Variants in BAZ2B observed in about 807,000 individuals in gnomAD.
BAZ2B encodes the protein bromodomain adjacent to zinc finger domain protein 2B.
A neutral mutation model predicts 246.0 loss-of-function variants in BAZ2B; 91 were observed. The ratio of observed to expected loss-of-function variants is 0.37; its 90% CI spans 0.31 to 0.44. BAZ2B has a LOEUF of 0.44. Ranked by LOEUF, BAZ2B falls within the 20% of genes least tolerant of loss-of-function variation. The probability of loss-of-function intolerance (pLI) is 1.00; values close to 1 mark genes in which losing one functional copy is unlikely to be tolerated. For missense variants in BAZ2B, 2,332 were observed against 2,533.7 expected, an observed-to-expected ratio of 0.92 and a Z score of 1.71; for synonymous variants, 855 against 860.0, an observed-to-expected ratio of 0.99 and a Z score of 0.10.
intron 14 of BAZ2B, among the ~76,000 whole-genome samples, chr2:159,405,696 T>A (rs558594508): frequency 2.0e-5 from 3 of 148,170 alleles, no homozygotes; most frequent in African/African-American, 7.4e-5. Context: ...TCTTTTAATC[T>A]TTATCAGAGA....
the BAZ2B span, among the ~76,000 whole-genome samples, chr2:159,646,036 G>C: frequency 2.6e-5 from 4 of 152,044 alleles, no homozygotes; most frequent in South Asian, 6.2e-4. Flanking sequence ...GCAACCAACG[G>C]GTCTGACCAA....
intron 1 of BAZ2B, among the ~76,000 whole-genome samples, chr2:159,597,833 G>T (rs577016026): frequency 6.6e-6 from 1 of 152,240 alleles, no homozygotes; most frequent in East Asian, 1.9e-4. Flanking sequence ...AGGCAGCCAC[G>T]ACTCTATCTC....
rs1164967913 is a variant in BAZ2B at position 159,320,494 on chromosome 2, G to A, written c.6354-76C>T. On this transcript the variant is annotated intron_variant, in intron 36 of 36. Transcript: ENST00000392783. Reference sequence around the variant, plus strand: ...TGTAAACAAATGAAGAGTTAATAAAGGGTAAAAATGAAAGAAAAATGATTA... The same window carrying A: ...TGTAAACAAATGAAGAGTTAATAAAAGGTAAAAATGAAAGAAAAATGATTA... 6.3e-6 allele frequency: 8 copies of A among 1,262,212 alleles called. No individual in the cohort carries two copies. In the East Asian group the frequency reaches 2.2e-4, roughly 35 times the overall value. 78.2% of individuals were successfully genotyped at this position (1,262,212 alleles called of 1,614,324 possible).
At chr2:159,542,224 T>C (rs1204058587) in intron 2 of BAZ2B, among the ~76,000 whole-genome samples, 1 of 152,074 alleles carries the variant, frequency 6.6e-6, no homozygotes, top group Non-Finnish European at 1.5e-5. Flanking sequence ...ATTATGGATA[T>C]GCCAAAAGGA....
At chr2:159,433,595 T>C (rs1238944215) in intron 8 of BAZ2B, 6 of 383,622 alleles carry the variant, frequency 1.6e-5, no homozygotes, top group Non-Finnish European at 2.8e-5. Context: ...TATATGCCTT[T>C]TGACTAGCCT....
chr2:159,657,719 A>G, the BAZ2B span, among the ~76,000 whole-genome samples: 1 of 152,218 alleles, frequency 6.6e-6, no homozygotes, highest in Non-Finnish European at 1.5e-5. Flanking sequence ...GTTTGGTGGT[A>G]ATGTAAAAGG....
intron 1 of BAZ2B, among the ~76,000 whole-genome samples, chr2:159,594,004 T>C (rs1484042842): frequency 6.6e-6 from 1 of 152,256 alleles, no homozygotes; most frequent in Non-Finnish European, 1.5e-5. Context: ...TTCACAATAC[T>C]GTGCAACCTC....
intron 2 of BAZ2B, among the ~76,000 whole-genome samples, chr2:159,527,606 G>C (rs1203472292): frequency 6.6e-6 from 1 of 152,046 alleles, no homozygotes; most frequent in African/African-American, 2.4e-5. Flanking sequence ...ATCCAAACAG[G>C]TTCTGAGCTA....
chr2:159,595,607 T>C (rs756408230), intron 1 of BAZ2B, among the ~76,000 whole-genome samples: 1 of 152,246 alleles, frequency 6.6e-6, no homozygotes, highest in Non-Finnish European at 1.5e-5. Flanking sequence ...AAACAGAAAT[T>C]AGTCACTTCG....
At chr2:159,489,100 C>G (rs2080164476) in intron 2 of BAZ2B, among the ~76,000 whole-genome samples, 1 of 152,122 alleles carries the variant, frequency 6.6e-6, no homozygotes, top group East Asian at 1.9e-4. Flanking sequence ...AATGAAGAGA[C>G]AGCATACTAT....
At chr2:159,644,441 A>G in the BAZ2B span, among the ~76,000 whole-genome samples, 1 of 152,216 alleles carries the variant, frequency 6.6e-6, no homozygotes, top group Non-Finnish European at 1.5e-5. Flanking sequence ...CTGATCCTGC[A>G]TGCACCTGTG....
chr2:159,482,674 T>A lies in BAZ2B; in HGVS notation c.-2-3953A>T, dbSNP rs143743530. Among the ~76,000 whole-genome samples the A allele has an allele frequency of 6.8e-3, 1,036 of 152,306 alleles. 4 individuals are homozygous for A. Among genetic ancestry groups the A allele is most frequent in the Non-Finnish European group, 0.011 (757 of 68,012 alleles). ...TAAATGTCTCATAATTGTACCGATA[T>A]CAATGTGGTAAGGTACGTTATCTTA... On this transcript the variant is annotated intron_variant, in intron 2 of 36. Transcript: ENST00000392783.
chr2:159,400,461 T>C lies in BAZ2B; in HGVS notation c.2898+138A>G, dbSNP rs1455384969. ...TGCTAAATAAGGCTCAGATAAAGTT[T>C]TATTCTATGCAGAATGTTTAAAGAG... is the stretch of plus-strand genomic sequence containing the variant. On this transcript the variant is annotated intron_variant, in intron 17 of 36. Coordinates refer to ENST00000392783, the MANE Select transcript of BAZ2B (RefSeq NM_013450.4). The C allele has an allele frequency of 1.4e-5, 8 of 571,668 alleles. No homozygotes were observed. The East Asian group carries it at 2.6e-4, about 19-fold the overall frequency. 35.4% of individuals were successfully genotyped at this position (571,668 alleles called of 1,614,324 possible). A position where few individuals can be genotyped will look rare whatever the true frequency, so the allele number is the denominator to read the frequency against.
rs536999730 is a variant in BAZ2B, at chr2:159,378,482, T to C, written c.4006-3729A>G. Among the ~76,000 whole-genome samples the C allele has an allele frequency of 3.9e-5, 6 of 152,290 alleles. No individual in the cohort carries two copies. The East Asian group carries it at 1.2e-3, about 29-fold the overall frequency. On this transcript the variant is annotated intron_variant, in intron 25 of 36. Transcript: ENST00000392783. The stretch of plus-strand genomic sequence containing the variant: ...GCACTATATCAAATTAAAGTGCTTC[T>C]TCATGGCAAAGGAAACAACAGACTG...
chr2:159,335,323 G>T (rs1488199504), intron 33 of BAZ2B, among the ~76,000 whole-genome samples: 1 of 152,148 alleles, frequency 6.6e-6, no homozygotes, highest in Non-Finnish European at 1.5e-5. Context: ...AAGGCAGGCG[G>T]ATCATTTGAG....
intron 6 of BAZ2B, among the ~76,000 whole-genome samples, chr2:159,443,261 T>C (rs2073744901): frequency 6.6e-6 from 1 of 152,190 alleles, no homozygotes; most frequent in Non-Finnish European, 1.5e-5. Context: ...CAACCTTGAA[T>C]TGTTTTATTC....
At chr2:159,401,195 GA>G (rs1479179009) in intron 16 of BAZ2B, among the ~76,000 whole-genome samples, 1 of 152,176 alleles carries the variant, frequency 6.6e-6, no homozygotes, top group Non-Finnish European at 1.5e-5. Context: ...TAAATAAACA[GA>G]AACTCAGTGA....
chr2:159,473,920 GA>G (rs1252464683), intron 3 of BAZ2B, among the ~76,000 whole-genome samples: 2 of 152,180 alleles, frequency 1.3e-5, no homozygotes, highest in Admixed American at 1.3e-4. Flanking sequence ...ACTGTGGTCT[GA>G]GAGACTGTTT....
intron 1 of BAZ2B, among the ~76,000 whole-genome samples, chr2:159,611,060 A>G (rs1256578176): frequency 1.3e-5 from 2 of 151,982 alleles, no homozygotes; most frequent in African/African-American, 4.8e-5. Flanking sequence ...TGAATTAAAT[A>G]TATTTATTAC....
Sources: gnomAD v4.1 joint callset for allele counts (sites outside exome capture counted in the v4.1 genomes callset) on GRCh38, gnomAD v4.1.1 for gene constraint, MANE v1.5 for transcripts, NCBI Gene and HGNC (gene_info 2026-07-23, HGNC 2026-07-21) for gene names.